The following SETD3 variants were observed in gnomAD, a reference collection of about 807,000 sequenced individuals.
The protein encoded by SETD3 is SET domain containing 3, actin N3(tau)-histidine methyltransferase.
Under a neutral mutation model 63.0 loss-of-function variants are expected in SETD3, and 19 were observed. The ratio of observed to expected loss-of-function variants is 0.30; its 90% confidence interval spans 0.21 to 0.44. The LOEUF (loss-of-function observed/expected upper bound fraction) is 0.44. Ranked by LOEUF, SETD3 falls within the 20% of genes least tolerant of loss-of-function variation. The probability of loss-of-function intolerance (pLI) is 1.00; values close to 1 mark genes in which losing one functional copy is unlikely to be tolerated. For missense variants in SETD3, 587 were observed against 728.5 expected (o/e 0.81, Z 2.24); for synonymous variants, 286 against 264.1 (o/e 1.08, Z -0.80).
chr14:99,466,657 A>C (rs1895400445), intron 1 of SETD3, among the ~76,000 whole-genome samples: 1 of 151,952 alleles, frequency 6.6e-6, no homozygotes, highest in Non-Finnish European at 1.5e-5. Context: ...GGACAGGACT[A>C]GAAGCGTGAG....
intron 6 of SETD3, among the ~76,000 whole-genome samples, chr14:99,426,178 A>G (rs1481014969): frequency 1.3e-5 from 2 of 152,234 alleles, no homozygotes; most frequent in Non-Finnish European, 2.9e-5. Context: ...TTGCCTTCAA[A>G]TCTACATATG....
At chr14:99,453,707 T>C (rs1894592362) in intron 6 of SETD3, among the ~76,000 whole-genome samples, 2 of 151,944 alleles carry the variant, frequency 1.3e-5, no homozygotes. Flanking sequence ...GCACCTGTTA[T>C]CCCAGCTACT....
intron 6 of SETD3, among the ~76,000 whole-genome samples, chr14:99,455,169 G>A (rs1385589325): frequency 6.6e-6 from 1 of 152,238 alleles, no homozygotes; most frequent in Non-Finnish European, 1.5e-5. Context: ...GGATACAGCT[G>A]TTTCAACTCT....
intron 1 of SETD3, among the ~76,000 whole-genome samples, chr14:99,475,332 A>C (rs929357910): frequency 1.3e-5 from 2 of 152,366 alleles, no homozygotes; most frequent in Admixed American, 6.5e-5. Context: ...ACCTGATCCA[A>C]GTCTGAGAAG....
chr14:99,414,016 A>G, intron 6 of SETD3, 82 bp from the exon 7 acceptor site: 2 of 1,305,962 alleles, frequency 1.5e-6, no homozygotes, highest in Non-Finnish European at 2.2e-6. Context: ...TTCATTATTT[A>G]GCTGCCTAAC....
At chr14:99,484,611 A>G (rs1896437661), upstream of SETD3, among the ~76,000 whole-genome samples, 1 of 152,244 alleles carries the variant, frequency 6.6e-6, no homozygotes, top group Non-Finnish European at 1.5e-5. Context: ...TCATTCATGC[A>G]TTATTTTATG....
intron 1 of SETD3, among the ~76,000 whole-genome samples, chr14:99,469,132 G>C (rs1199255217): frequency 6.6e-6 from 1 of 152,242 alleles, no homozygotes; most frequent in Non-Finnish European, 1.5e-5. Context: ...TCGAGTACTT[G>C]TAACTCCAAT....
intron 6 of SETD3, among the ~76,000 whole-genome samples, chr14:99,429,975 G>T (rs1292846325): frequency 7.9e-5 from 12 of 152,212 alleles, no homozygotes; most frequent in Admixed American, 7.8e-4. Flanking sequence ...TGGGTCCAAA[G>T]ACAAGCAGTC....
At position 99,399,134 on chromosome 14, in the gene SETD3, CAAG is replaced by C; in HGVS notation, c.1339-12_1339-10del. The C allele has an allele frequency of 6.2e-7, 1 of 1,610,644 alleles. No individual in the cohort carries two copies. The highest frequency in any genetic ancestry group is 8.5e-7 in the Non-Finnish European group (1 of 1,177,732). On this transcript the variant is annotated splice_polypyrimidine_tract_variant and intron_variant, in intron 12 of 12. Transcript: ENST00000331768. Reference sequence around the variant, plus strand: ...AAGACGGATTTATCTTCCTGGAAAACAAGAGCAAAATTAATTACAAGAAGTCTA... The same window carrying C: ...AAGACGGATTTATCTTCCTGGAAAACAGCAAAATTAATTACAAGAAGTCTA...
chr14:99,401,443 A>C, intron 11 of SETD3, among the ~76,000 whole-genome samples: 1 of 152,222 alleles, frequency 6.6e-6, no homozygotes. Flanking sequence ...TACGATTCAA[A>C]CTGAAGAACT....
At chr14:99,450,805 A>G (rs1410287020) in intron 6 of SETD3, among the ~76,000 whole-genome samples, 3 of 152,252 alleles carry the variant, frequency 2.0e-5, no homozygotes, top group Non-Finnish European at 4.4e-5. Flanking sequence ...ACTGAAAAAT[A>G]GTAGTAATAA....
In SETD3 at chr14:99,422,594, C is replaced by G. The variant is rs891976956; in HGVS notation, c.676-8660G>C. On this transcript the variant is annotated intron_variant, in intron 6 of 12. Transcript: ENST00000331768. ...GGGTTCTAACAAAGACAAGCCAAATCCTGATGTAATAAGTCAATCCCACTG... is the reference window on the plus strand; with the variant it reads ...GGGTTCTAACAAAGACAAGCCAAATGCTGATGTAATAAGTCAATCCCACTG... Among the ~76,000 whole-genome samples the G allele has an allele frequency of 3.3e-5, 5 of 151,934 alleles. 1 individual carries two copies. The highest frequency in any genetic ancestry group is 7.4e-5 in the Non-Finnish European group (5 of 68,014).
At position 99,437,195 on chromosome 14, in the gene SETD3, T is replaced by C. The variant is rs1229234953; in HGVS notation, c.675+21084A>G. On this transcript the variant is annotated intron_variant, in intron 6 of 12. Transcript: ENST00000331768. ...GGAGGATTCAGTGGAATTGTGTTAA[T>C]GTGGATCTTGGCATTGAGTAAAGTG... 2.0e-5 allele frequency among the ~76,000 whole-genome samples: 3 copies of C among 152,188 alleles called. 1 individual carries two copies. The highest frequency in any genetic ancestry group is 2.1e-4 in the South Asian group (1 of 4,830).
intron 6 of SETD3, among the ~76,000 whole-genome samples, chr14:99,418,736 C>G (rs1892413936): frequency 6.6e-6 from 1 of 152,080 alleles, no homozygotes; most frequent in Non-Finnish European, 1.5e-5. Context: ...CTGCACCAAT[C>G]AGAGAGAGAA....
intron 7 of SETD3, 112 bp from the exon 8 acceptor site, chr14:99,413,177 T>C (rs1892100190): frequency 1.6e-6 from 1 of 630,660 alleles, no homozygotes; most frequent in East Asian, 2.8e-5. Context: ...ACAAAGTCTT[T>C]TCCTAAGTAA....
intron 6 of SETD3, among the ~76,000 whole-genome samples, chr14:99,439,722 GTATTTA>G (rs1893692473): frequency 1.4e-5 from 2 of 146,144 alleles, no homozygotes; most frequent in South Asian, 4.3e-4. Context: ...ATAAATATAT[GTATTTA>G]TATTTTTATA....
intron 1 of SETD3, among the ~76,000 whole-genome samples, chr14:99,480,046 C>T (rs569993037): frequency 6.6e-6 from 1 of 152,202 alleles, no homozygotes; most frequent in South Asian, 2.1e-4. Flanking sequence ...ACCGAATTGC[C>T]TCTCCCTAGT....
In SETD3 at chr14:99,405,358, T is replaced by A; in HGVS notation, c.938A>T (p.Tyr313Phe). The change falls in exon 10 of 13, where the codon TAT becomes TTT. Residue 313 changes from tyrosine (Y) to phenylalanine (F), a missense_variant. Tyr to Phe is a conservative substitution (Grantham distance 22). Transcript: ENST00000331768. ...AAACTCTGCGTTGGATCGAGTGCCA[T>A]AAAAAATGTAAATCTGAGATGCAGT... ...FRAGEQIYIF[Y>F]GTRSNAEFVI... 1 of 1,607,500 alleles carries A rather than the reference T, an allele frequency of 6.2e-7. No homozygotes were observed. The highest frequency in any genetic ancestry group is 8.5e-7 in the Non-Finnish European group (1 of 1,178,342).
At chr14:99,402,833 A>C (rs7147111) in intron 11 of SETD3, among the ~76,000 whole-genome samples, 6,980 of 152,282 alleles carry the variant, frequency 0.046, 523 homozygotes, top group African/African-American at 0.16. Flanking sequence ...GCATGTACCA[A>C]ATGTAGCATC....
Sources: allele counts gnomAD v4.1 joint callset (sites outside exome capture counted in the v4.1 genomes callset), GRCh38; gene constraint gnomAD v4.1.1; transcripts MANE v1.5; gene names NCBI Gene and HGNC (gene_info 2026-07-23, HGNC 2026-07-21).